SNRK: variants seen among roughly 807,000 people sequenced by gnomAD.
SNRK encodes the protein SNF related kinase.
Under a neutral mutation model 48.2 loss-of-function variants are expected in SNRK, and 3 were observed. The ratio of observed to expected loss-of-function variants is 0.06; its 90% CI spans 0.03 to 0.16. The LOEUF (loss-of-function observed/expected upper bound fraction) is 0.16. Among genes scored for constraint, SNRK ranks in the 10% least tolerant of loss-of-function variants. The pLI is 1.00. For synonymous variants in SNRK, 376 were observed against 366.1 expected (o/e 1.03, Z -0.31); for missense variants, 627 against 976.0 (o/e 0.64, Z 4.76).
intron 1 of SNRK, among the ~76,000 whole-genome samples, chr3:43,294,492 G>A (rs2090837289): frequency 6.6e-6 from 1 of 152,068 alleles, no homozygotes; most frequent in Non-Finnish European, 1.5e-5. Flanking sequence ...GTCACATGAG[G>A]GTTTTTTTTA....
rs2091225766 is a variant in SNRK, at chr3:43,340,333, T to G, written c.778T>G (p.Leu260Val). The G allele has an allele frequency of 2.5e-6, 4 of 1,614,154 alleles. No individual in the cohort carries two copies. In the East Asian group the frequency reaches 8.9e-5, roughly 36 times the overall value. Reference sequence around the variant, plus strand: ...GAGAGATCCCAAGAGAAGGGCTTCTTTAGAAGAGATTGAAAATCATCCTTG... The same window carrying G: ...GAGAGATCCCAAGAGAAGGGCTTCTGTAGAAGAGATTGAAAATCATCCTTG... The part of the protein sequence containing the change: ...LQRDPKRRAS[L>V]EEIENHPWLQ... Residue 260 changes from leucine to valine, a missense_variant, in exon 5 of 7, where the codon TTA (leucine) becomes GTA (valine). By Grantham distance (32) the Leu-to-Val change is conservative. Around this residue, in one of 4 missense-constraint regions of SNRK, gnomAD observed 147 missense variants for 356.8 expected, o/e 0.41. Transcript: ENST00000296088.
chr3:43,294,486 CAT>C (rs1292461982), intron 1 of SNRK, among the ~76,000 whole-genome samples: 1 of 152,178 alleles, frequency 6.6e-6, no homozygotes, highest in African/African-American at 2.4e-5. Flanking sequence ...TGATTGGTCA[CAT>C]GAGGGTTTTT....
At chr3:43,314,413 C>A (rs1419626621) in intron 3 of SNRK, among the ~76,000 whole-genome samples, 4 of 152,158 alleles carry the variant, frequency 2.6e-5, no homozygotes, top group Non-Finnish European at 5.9e-5. Flanking sequence ...TAAATTGAGA[C>A]ATTCTTTATA....
At chr3:43,312,642 G>A (rs1253494232) in intron 3 of SNRK, among the ~76,000 whole-genome samples, 1 of 152,090 alleles carries the variant, frequency 6.6e-6, no homozygotes, top group Non-Finnish European at 1.5e-5. Flanking sequence ...ATAAAGATAG[G>A]AAAAGAAGAA....
intron 1 of SNRK, among the ~76,000 whole-genome samples, chr3:43,290,217 G>A (rs949348851): frequency 1.3e-5 from 2 of 152,128 alleles, no homozygotes; most frequent in African/African-American, 4.8e-5. Context: ...CGGGTACATA[G>A]TCTGTACCAA....
In SNRK at chr3:43,340,404, C is replaced by A. The variant is rs1279942570; in HGVS notation, c.849C>A (p.Pro283=). 1 of 1,614,142 alleles carries A rather than the reference C, an allele frequency of 6.2e-7. No homozygotes were observed. The highest frequency in any genetic ancestry group is 1.7e-5 in the Admixed American group (1 of 60,032). The change falls in exon 5 of 7, where the codon CCC becomes CCA. Residue 283 remains proline, a synonymous_variant. Coordinates refer to ENST00000296088, the MANE Select transcript of SNRK (RefSeq NM_017719.5). ...DPSPATKYNI[P]LVSYKNLSEE... The stretch of plus-strand genomic sequence containing the variant: ...CACCAGCTACAAAGTATAACATTCC[C>A]CTTGTGTCATACAAAAATCTCTCGG...
At chr3:43,304,846 C>T (rs114490151) in intron 3 of SNRK, among the ~76,000 whole-genome samples, 99 of 152,022 alleles carry the variant, frequency 6.5e-4, no homozygotes, top group African/African-American at 2.2e-3. Context: ...CTATCATGTT[C>T]TGGAAAAGAA....
intron 4 of SNRK, 175 bp downstream of exon 4, chr3:43,332,485 G>T (rs2091153795): frequency 7.8e-6 from 3 of 386,398 alleles, no homozygotes; most frequent in Non-Finnish European, 1.4e-5. Flanking sequence ...GGTCGGCGGG[G>T]GTGGGGGTGG....
At chr3:43,291,828 T>C (rs1559457367) in intron 1 of SNRK, among the ~76,000 whole-genome samples, 1 of 152,224 alleles carries the variant, frequency 6.6e-6, no homozygotes, top group African/African-American at 2.4e-5. Context: ...TACTTTGAAA[T>C]GTGGAATCTT....
At chr3:43,300,381 C>T (rs959122318) in intron 2 of SNRK, among the ~76,000 whole-genome samples, 1 of 151,932 alleles carries the variant, frequency 6.6e-6, no homozygotes, top group Non-Finnish European at 1.5e-5. Flanking sequence ...AAATCAGATT[C>T]ATTTATAAAA....
At chr3:43,330,077 TTA>T (rs1438652694) in intron 3 of SNRK, among the ~76,000 whole-genome samples, 4 of 152,202 alleles carry the variant, frequency 2.6e-5, no homozygotes, top group Non-Finnish European at 4.4e-5. Context: ...TTTATAGGAC[TTA>T]TATGGAAAGA....
At chr3:43,317,699 G>A (rs1193159307) in intron 3 of SNRK, among the ~76,000 whole-genome samples, 1 of 152,044 alleles carries the variant, frequency 6.6e-6, no homozygotes, top group Non-Finnish European at 1.5e-5. Context: ...TCCTACCTCA[G>A]GGCCATCCAT....
Position 43,350,559 on chromosome 3 carries a change from T to C in SNRK, c.*2002T>C, listed in dbSNP as rs1259508691. 6.6e-6 allele frequency: 1 copy of C among 152,652 alleles called. No homozygotes were observed. Among genetic ancestry groups the C allele is most frequent in the African/African-American group, 2.4e-5 (1 of 41,460 alleles). 9.5% of individuals were successfully genotyped at this position (152,652 alleles called of 1,614,324 possible). A position where few individuals can be genotyped will look rare whatever the true frequency, so the allele number is the denominator to read the frequency against. ...AGCAGTGTTGACCATTTATGCTGCA[T>C]AGCTGTATTATAGCCTTATTAGTTG... On this transcript the variant is annotated 3_prime_UTR_variant, in exon 7 of 7. Coordinates refer to ENST00000296088, the MANE Select transcript of SNRK (RefSeq NM_017719.5).
rs1047813619 is a variant in SNRK at position 43,349,469 on chromosome 3, C to G, written c.*912C>G. ...ACAAATGTTGGCAAAGTCAAAACCC[C>G]ATGAATTAAAACCTACTGGAATTTG... is the stretch of plus-strand genomic sequence containing the variant. On this transcript the variant is annotated 3_prime_UTR_variant, in exon 7 of 7. Transcript: ENST00000296088. 20 of 152,234 alleles carry G rather than the reference C, an allele frequency of 1.3e-4. No homozygotes were observed. The highest frequency in any genetic ancestry group is 2.4e-4 in the Non-Finnish European group (16 of 68,010). 9.4% of individuals were successfully genotyped at this position (152,234 alleles called of 1,614,324 possible). A position where few individuals can be genotyped will look rare whatever the true frequency, so the allele number is the denominator to read the frequency against.
chr3:43,323,039 A>G (rs1170713064), intron 3 of SNRK, among the ~76,000 whole-genome samples: 1 of 151,496 alleles, frequency 6.6e-6, no homozygotes, highest in Non-Finnish European at 1.5e-5. Context: ...ACCTACACAT[A>G]TGTGGCCAGT....
At position 43,348,256 on chromosome 3, in the gene SNRK, T is replaced by C. The variant is rs539205148; in HGVS notation, c.1997T>C (p.Ile666Thr). Residue 666 changes from isoleucine (I) to threonine (T), a missense_variant, in exon 7 of 7, where the codon ATT becomes ACT. Around this residue, in one of 4 missense-constraint regions of SNRK, gnomAD observed 207 missense variants for 234.3 expected, o/e 0.88. Coordinates refer to ENST00000296088, the MANE Select transcript of SNRK (RefSeq NM_017719.5). ...SQLHGSTKYI[I>T]DPQNGLSFSS... Reference sequence around the variant, plus strand: ...CTTCATGGGAGCACCAAGTACATTATTGATCCACAGAATGGCTTGTCATTT... The same window carrying C: ...CTTCATGGGAGCACCAAGTACATTACTGATCCACAGAATGGCTTGTCATTT... The C allele has an allele frequency of 9.9e-5, 159 of 1,614,090 alleles. 1 individual carries two copies. The South Asian group carries it at 1.5e-3, about 16-fold the overall frequency.
intron 3 of SNRK, among the ~76,000 whole-genome samples, chr3:43,320,761 T>C (rs1327880152): frequency 1.3e-5 from 2 of 152,076 alleles, no homozygotes; most frequent in African/African-American, 4.8e-5. Context: ...GTTGATTAGG[T>C]TTAATCATTT....
At chr3:43,295,671 TTTG>T (rs1440067833) in intron 1 of SNRK, among the ~76,000 whole-genome samples, 1 of 152,224 alleles carries the variant, frequency 6.6e-6, no homozygotes. Flanking sequence ...GGTTCTTATC[TTTG>T]GTTTATAGCT....
Position 43,328,304 on chromosome 3 carries a change from G to A in SNRK, c.590-3865G>A, listed in dbSNP as rs1221853852. Among the ~76,000 whole-genome samples the A allele has an allele frequency of 6.0e-5, 9 of 150,910 alleles. No individual in the cohort carries two copies. The South Asian group carries it at 8.4e-4, about 14-fold the overall frequency. Reference sequence around the variant, plus strand: ...TAGGAGTTTGTAGTTTTGTTAACACGGTTTTTTTTTTTTTCTTATGGAAAA... The same window carrying A: ...TAGGAGTTTGTAGTTTTGTTAACACAGTTTTTTTTTTTTTCTTATGGAAAA... On this transcript the variant is annotated intron_variant, in intron 3 of 6. Transcript: ENST00000296088.
Sources: allele counts gnomAD v4.1 joint callset (sites outside exome capture counted in the v4.1 genomes callset), GRCh38; gene constraint gnomAD v4.1.1; regional missense constraint gnomAD v4.1.1; transcripts MANE v1.5; gene names NCBI Gene and HGNC (gene_info 2026-07-23, HGNC 2026-07-21).